The following NCALD variants were observed in gnomAD, a reference collection of about 807,000 sequenced individuals.
NCALD encodes neurocalcin-delta.
A neutral mutation model predicts 18.6 loss-of-function variants in NCALD; 10 were observed. That is an observed-to-expected ratio of 0.54 (90% CI 0.33 to 0.91). The LOEUF (loss-of-function observed/expected upper bound fraction) is 0.91, where lower values mean the gene tolerates loss of function less well. Among genes scored for constraint, NCALD ranks in the 40% least tolerant of loss-of-function variants. The pLI, the probability that NCALD is intolerant of heterozygous loss-of-function variation, is 0.03. For synonymous variants in NCALD, 88 were observed against 87.4 expected, an observed-to-expected ratio of 1.01 and a Z score of -0.04; for missense variants, 184 against 247.6, an observed-to-expected ratio of 0.74 and a Z score of 1.72.
intron 1 of NCALD, among the ~76,000 whole-genome samples, chr8:102,097,455 C>T (rs561033994): frequency 1.3e-5 from 2 of 152,310 alleles, no homozygotes; most frequent in African/African-American, 2.4e-5. Context: ...CATATTATTA[C>T]TTGCTTTTGG....
chr8:101,691,400 A>T, intron 3 of NCALD: 1 of 985,410 alleles, frequency 1.0e-6, no homozygotes, highest in Non-Finnish European at 1.2e-6. Context: ...GCAGAGTCCC[A>T]GTGGAAAGAC....
intron 1 of NCALD, among the ~76,000 whole-genome samples, chr8:102,055,958 T>C (rs1311566221): frequency 6.6e-6 from 1 of 152,142 alleles, no homozygotes; most frequent in Non-Finnish European, 1.5e-5. Flanking sequence ...AAACAAACAC[T>C]GAGAGGTATG....
Position 101,870,474 on chromosome 8 carries a change from T to C in NCALD, c.-20+16667A>G, listed in dbSNP as rs147399448. On this transcript the variant is annotated intron_variant, in intron 4 of 6. Coordinates refer to the NCALD transcript ENST00000311028. ...ACATAAAAGAAAGTGCACTTAATAA[T>C]CTTTTTTTTGTTGTTCTGGTGATTT... Among the ~76,000 whole-genome samples the C allele has an allele frequency of 1.3e-3, 196 of 152,290 alleles. 4 individuals are homozygous for C. The East Asian group carries it at 0.029, about 23-fold the overall frequency.
intron 2 of NCALD, among the ~76,000 whole-genome samples, chr8:101,935,838 T>TACTATACATCAG (rs2131728519): frequency 6.7e-6 from 1 of 148,498 alleles, no homozygotes; most frequent in African/African-American, 2.5e-5. Context: ...TGTAAGATGA[T>TACTATACATCAG]GGAAATGATG....
chr8:101,997,109 T>C (rs1485857715), intron 2 of NCALD, among the ~76,000 whole-genome samples: 1 of 152,234 alleles, frequency 6.6e-6, no homozygotes, highest in Non-Finnish European at 1.5e-5. Flanking sequence ...CTTTTTAAGC[T>C]TTGCTCAAAA....
intron 1 of NCALD, among the ~76,000 whole-genome samples, chr8:102,100,439 T>A (rs1489929081): frequency 6.6e-6 from 1 of 152,216 alleles, no homozygotes; most frequent in Non-Finnish European, 1.5e-5. Flanking sequence ...TGTTTTTCAA[T>A]GCTTCCTCAA....
intron 4 of NCALD, among the ~76,000 whole-genome samples, chr8:101,878,762 A>G (rs750432868): frequency 6.6e-6 from 1 of 152,374 alleles, no homozygotes; most frequent in African/African-American, 2.4e-5. Context: ...TAAGTAAAGT[A>G]TGATGATCCC....
intron 1 of NCALD, among the ~76,000 whole-genome samples, chr8:102,088,881 A>G (rs1249372250): frequency 6.6e-6 from 1 of 152,206 alleles, no homozygotes; most frequent in African/African-American, 2.4e-5. Flanking sequence ...AAATTACTTC[A>G]AATTATGAGA....
chr8:101,872,276 C>T, intron 4 of NCALD: 4 of 1,387,022 alleles, frequency 2.9e-6, no homozygotes, highest in Non-Finnish European at 4.1e-6. Flanking sequence ...AAAACTTCTC[C>T]AAATTTATTC....
intron 2 of NCALD, among the ~76,000 whole-genome samples, chr8:101,946,326 G>A (rs780990646): frequency 2.1e-4 from 32 of 152,260 alleles, no homozygotes; most frequent in Admixed American, 7.2e-4. Context: ...CCTACATGGA[G>A]CATGCCTTTA....
intron 2 of NCALD, among the ~76,000 whole-genome samples, chr8:101,993,363 A>C (rs1252276511): frequency 1.3e-5 from 2 of 152,084 alleles, no homozygotes; most frequent in African/African-American, 4.8e-5. Flanking sequence ...TAAATAAGTA[A>C]ACTACTAGGT....
intron 2 of NCALD, among the ~76,000 whole-genome samples, chr8:101,940,710 A>G (rs1024257743): frequency 1.2e-4 from 18 of 152,212 alleles, no homozygotes; most frequent in South Asian, 2.1e-4. Flanking sequence ...TTTGGACAAA[A>G]GACACTATAA....
intron 1 of NCALD, among the ~76,000 whole-genome samples, chr8:102,114,809 G>T (rs539493454): frequency 6.6e-6 from 1 of 152,338 alleles, no homozygotes; most frequent in Admixed American, 6.5e-5. Context: ...GTGGAGAAGG[G>T]AGCCAGGGAT....
chr8:101,892,533 GAGA>G (rs1407260471), intron 3 of NCALD, among the ~76,000 whole-genome samples: 3 of 149,270 alleles, frequency 2.0e-5, no homozygotes, highest in East Asian at 1.9e-4. Context: ...GACAAATTGA[GAGA>G]AGAAGGCTTC....
At chr8:102,028,251 A>G (rs559970464) in intron 1 of NCALD, among the ~76,000 whole-genome samples, 1 of 152,338 alleles carries the variant, frequency 6.6e-6, no homozygotes, top group Non-Finnish European at 1.5e-5. Flanking sequence ...CACAAACTTG[A>G]GTCTATGTGT....
At chr8:101,969,945 A>G (rs920620457) in intron 2 of NCALD, among the ~76,000 whole-genome samples, 9 of 152,190 alleles carry the variant, frequency 5.9e-5, no homozygotes, top group African/African-American at 2.2e-4. Flanking sequence ...GTGCACACAC[A>G]TGTGTTTACA....
chr8:101,979,940 T>C (rs1192457277), intron 2 of NCALD, among the ~76,000 whole-genome samples: 3 of 152,122 alleles, frequency 2.0e-5, no homozygotes, highest in African/African-American at 7.2e-5. Context: ...TTGTGTTACA[T>C]CAGGGCCTGA....
intron 3 of NCALD, among the ~76,000 whole-genome samples, chr8:101,894,757 A>C (rs1817083175): frequency 6.6e-6 from 1 of 151,458 alleles, no homozygotes; most frequent in African/African-American, 2.5e-5. Flanking sequence ...AAACTAGAAA[A>C]TCTAGAAGAA....
intron 2 of NCALD, among the ~76,000 whole-genome samples, chr8:101,940,295 A>G (rs1393965442): frequency 2.0e-5 from 3 of 152,172 alleles, no homozygotes; most frequent in East Asian, 3.8e-4. Flanking sequence ...TTAGATATTG[A>G]TAAGAACTTA....
Sources: gnomAD v4.1 joint callset for allele counts (sites outside exome capture counted in the v4.1 genomes callset) on GRCh38, gnomAD v4.1.1 for gene constraint, MANE v1.5 for transcripts, NCBI Gene and HGNC (gene_info 2026-07-23, HGNC 2026-07-21) for gene names.